Variants in ZNF236 observed in about 807,000 individuals in gnomAD.
ZNF236 encodes zinc finger protein 236.
In ZNF236, 50 loss-of-function variants were observed where a neutral mutation model predicts 191.2. The ratio of observed to expected loss-of-function variants is 0.26; its 90% CI spans 0.21 to 0.33. ZNF236 has a LOEUF of 0.33. Among genes scored for constraint, ZNF236 ranks in the 10% least tolerant of loss-of-function variants. The probability of loss-of-function intolerance (pLI) is 1.00; values close to 1 mark genes in which losing one functional copy is unlikely to be tolerated. For missense variants in ZNF236, 1,754 were observed against 2,374.5 expected (o/e 0.74, Z 5.43); for synonymous variants, 907 against 928.8 (o/e 0.98, Z 0.43).
chr18:76,878,254 A>T (rs1976771794), intron 7 of ZNF236, 102 bp downstream of exon 7: 1 of 1,133,362 alleles, frequency 8.8e-7, no homozygotes, highest in Non-Finnish European at 1.2e-6. Flanking sequence ...GTGCTATGAA[A>T]ATTTTTTATA....
Position 76,826,657 on chromosome 18 carries a change from G to A in ZNF236, c.55+3995G>A, listed in dbSNP as rs557627317. ...AAAAAAAAAATACCAAAGTTAGCCAGGCATGGTGGCTGGCGCCTGTAGTCG... is the reference window on the plus strand; with the variant it reads ...AAAAAAAAAATACCAAAGTTAGCCAAGCATGGTGGCTGGCGCCTGTAGTCG... On this transcript the variant is annotated intron_variant, in intron 1 of 30. Coordinates refer to ENST00000320610, the MANE Select transcript of ZNF236 (RefSeq NM_001306089.2). Among the ~76,000 whole-genome samples, 3 of 151,342 alleles carry A rather than the reference G, an allele frequency of 2.0e-5. No homozygotes were observed. In the South Asian group the frequency reaches 6.3e-4, roughly 32 times the overall value.
At chr18:76,947,835 A>G (rs1968302446) in intron 27 of ZNF236, among the ~76,000 whole-genome samples, 183 bp downstream of exon 27, 1 of 152,116 alleles carries the variant, frequency 6.6e-6, no homozygotes, top group Non-Finnish European at 1.5e-5. Context: ...GTTGAATGAC[A>G]GGTACGATAT....
rs73968242 is a variant in ZNF236, at chr18:76,968,252, C to A, written c.5457C>A (p.Asp1819Glu). The change falls in exon 31 of 31, where the codon GAC becomes GAA. Residue 1819 changes from aspartate (D) to glutamate (E), a missense_variant. Physicochemically the swap from Asp to Glu is conservative, Grantham distance 45. This residue lies in a region of ZNF236 where 606 missense variants were observed against 761.5 expected (regional missense o/e 0.80). Transcript: ENST00000320610. ...LQESAGHPEQ[D>E]GEELSRTLHL... ...AGTCTGCAGGTCACCCGGAGCAGGA[C>A]GGGGAGGAGCTGAGCCGGACCCTCC... 1 of 1,612,996 alleles carries A rather than the reference C, an allele frequency of 6.2e-7. No individual in the cohort carries two copies.
intron 9 of ZNF236, chr18:76,885,495 T>C (rs948161494): frequency 1.3e-5 from 2 of 156,358 alleles, no homozygotes; most frequent in African/African-American, 4.8e-5. Context: ...ACTCATTCTC[T>C]GTTCTCTGTA....
chr18:76,943,122 C>CAAAAAAA (rs530931580), intron 26 of ZNF236, among the ~76,000 whole-genome samples: 1 of 85,832 alleles, frequency 1.2e-5, no homozygotes, highest in Non-Finnish European at 2.1e-5. Context: ...GACTCCGTCT[C>CAAAAAAA]AAAAAAAAAA....
intron 9 of ZNF236, among the ~76,000 whole-genome samples, chr18:76,891,871 G>C (rs948249889): frequency 6.6e-6 from 1 of 151,970 alleles, no homozygotes; most frequent in Admixed American, 6.5e-5. Flanking sequence ...TTTTATTCAA[G>C]TGTTCTGAGT....
In ZNF236 at chr18:76,895,295, C is replaced by T. The variant is rs1390010930; in HGVS notation, c.1690+10C>T. ...ATTCGCCTGCACACAGGTATGGCCT[C>T]AGGGCTGGGCCCACACGGGCACTGG... On this transcript the variant is annotated intron_variant, in intron 10 of 30. Transcript: ENST00000320610. 1.9e-6 allele frequency: 3 copies of T among 1,596,494 alleles called. No individual in the cohort carries two copies. The Admixed American group carries it at 5.0e-5, about 27-fold the overall frequency.
intron 11 of ZNF236, among the ~76,000 whole-genome samples, chr18:76,901,302 A>G (rs12957762): frequency 6.6e-6 from 1 of 152,240 alleles, no homozygotes; most frequent in East Asian, 1.9e-4. Flanking sequence ...ATGAGGTAAC[A>G]ATTGTTTGCA....
At chr18:76,949,802 G>A (rs1968358235) in intron 27 of ZNF236, among the ~76,000 whole-genome samples, 1 of 151,850 alleles carries the variant, frequency 6.6e-6, no homozygotes, top group African/African-American at 2.4e-5. Flanking sequence ...GGAATCACAG[G>A]TGTGCACCAC....
At chr18:76,920,387 C>A (rs1196083445) in intron 20 of ZNF236, among the ~76,000 whole-genome samples, 1 of 151,866 alleles carries the variant, frequency 6.6e-6, no homozygotes. Context: ...CTGGTCTCTA[C>A]TAAAAAATAC....
At chr18:76,962,366 T>C (rs1968687157) in intron 30 of ZNF236, among the ~76,000 whole-genome samples, 1 of 152,208 alleles carries the variant, frequency 6.6e-6, no homozygotes, top group Admixed American at 6.5e-5. Context: ...CAGTTGGCTA[T>C]AAGTATTTGG....
Position 76,923,109 on chromosome 18 carries a change from G to A in ZNF236, c.3596G>A (p.Cys1199Tyr). The stretch of plus-strand genomic sequence containing the variant: ...CATACTGGAGAAAAGCCATACAAAT[G>A]TGATGAATGTGGAAAGAGTTTTACT... ...RIHTGEKPYK[C>Y]DECGKSFTVK... Residue 1199 changes from cysteine to tyrosine, a missense_variant, in exon 21 of 31, where the codon TGT becomes TAT. Around this residue, in one of 5 missense-constraint regions of ZNF236, gnomAD observed 45 missense variants for 137.4 expected, o/e 0.33. Transcript: ENST00000320610. The A allele has an allele frequency of 6.2e-7, 1 of 1,614,058 alleles. No individual in the cohort carries two copies. Among genetic ancestry groups the A allele is most frequent in the Non-Finnish European group, 8.5e-7 (1 of 1,179,952 alleles).
In ZNF236 at chr18:76,925,965, G is replaced by A. The variant is rs916280883; in HGVS notation, c.4027+411G>A. On this transcript the variant is annotated intron_variant, in intron 22 of 30. Coordinates refer to ENST00000320610, the MANE Select transcript of ZNF236 (RefSeq NM_001306089.2). The surrounding 1 kb of genome is among the most constrained non-coding windows in gnomAD (Gnocchi z 5.7). ...GAGAAGTGTTACATTTTAGCTAGTT[G>A]TGTTGATTTGTGTGCCTGTGAGTAA... Among the ~76,000 whole-genome samples the A allele has an allele frequency of 5.9e-5, 9 of 152,176 alleles. No individual in the cohort carries two copies. Among genetic ancestry groups the A allele is most frequent in the Non-Finnish European group, 1.5e-5 (1 of 68,028 alleles).
intron 17 of ZNF236, among the ~76,000 whole-genome samples, chr18:76,912,856 T>C (rs891060464): frequency 5.6e-4 from 85 of 152,260 alleles, no homozygotes; most frequent in African/African-American, 2.0e-3. Context: ...TTTCACCACA[T>C]TGGCCAGGCT....
At chr18:76,852,682 G>T (rs1257539068) in intron 3 of ZNF236, among the ~76,000 whole-genome samples, 2 of 151,208 alleles carry the variant, frequency 1.3e-5, no homozygotes, top group East Asian at 3.9e-4. Context: ...CTCCCCCTTT[G>T]CATTATTACT....
At chr18:76,860,945 C>T (rs781464856) in intron 3 of ZNF236, among the ~76,000 whole-genome samples, 3 of 152,060 alleles carry the variant, frequency 2.0e-5, no homozygotes, top group Non-Finnish European at 4.4e-5. Context: ...TGAAGTCTGG[C>T]GTGAAGCTGG....
At chr18:76,943,681 T>G (rs1968193346) in intron 26 of ZNF236, among the ~76,000 whole-genome samples, 1 of 152,224 alleles carries the variant, frequency 6.6e-6, no homozygotes, top group African/African-American at 2.4e-5. Flanking sequence ...TATTACAGAC[T>G]CCTGATGGGA....
In ZNF236 at chr18:76,919,739, A is replaced by G. The variant is rs939891274; in HGVS notation, c.3275-37A>G. 7 of 1,600,850 alleles carry G rather than the reference A, an allele frequency of 4.4e-6. No individual in the cohort carries two copies. Among genetic ancestry groups the G allele is most frequent in the Non-Finnish European group, 6.0e-6 (7 of 1,170,096 alleles). On this transcript the variant is annotated intron_variant, in intron 19 of 30. Coordinates refer to ENST00000320610, the MANE Select transcript of ZNF236 (RefSeq NM_001306089.2). This position sits in a 1 kb window ranked among gnomAD's most constrained non-coding sequence, Gnocchi z 5.3. ...TTTGCTAAAAACCTAGGTTTTCTTC[A>G]TTACGATTTTGATCCCTTTTCCTTG...
chr18:76,823,765 C>A (rs904853422), intron 1 of ZNF236, among the ~76,000 whole-genome samples: 2 of 152,204 alleles, frequency 1.3e-5, no homozygotes, highest in African/African-American at 4.8e-5. Context: ...AACGGACTTT[C>A]CTGCGCAGGG....
Sources: allele counts gnomAD v4.1 joint callset (sites outside exome capture counted in the v4.1 genomes callset), GRCh38; gene constraint gnomAD v4.1.1; regional missense constraint gnomAD v4.1.1; non-coding constraint Gnocchi (gnomAD v3.1); transcripts MANE v1.5; gene names NCBI Gene and HGNC (gene_info 2026-07-23, HGNC 2026-07-21).